The following NBEA variants were observed in gnomAD, a reference collection of about 807,000 sequenced individuals.
NBEA encodes the protein lysosomal-trafficking regulator 2.
In NBEA, 44 loss-of-function variants were observed where a neutral mutation model predicts 343.4. That is an observed-to-expected ratio of 0.13 (90% CI 0.10 to 0.16). The LOEUF (loss-of-function observed/expected upper bound fraction) is 0.16. Ranked by LOEUF, NBEA falls within the 10% of genes least tolerant of loss-of-function variation. The probability of loss-of-function intolerance (pLI) is 1.00; values close to 1 mark genes in which losing one functional copy is unlikely to be tolerated. For missense variants in NBEA, 2,555 were observed against 3,631.3 expected, an observed-to-expected ratio of 0.70 and a Z score of 7.62; for synonymous variants, 1,175 against 1,238.7, an observed-to-expected ratio of 0.95 and a Z score of 1.08.
At chr13:35,490,725 G>C (rs1226072245) in intron 41 of NBEA, among the ~76,000 whole-genome samples, 1 of 140,134 alleles carries the variant, frequency 7.1e-6, no homozygotes, top group East Asian at 2.1e-4. Flanking sequence ...ATTCTGCTAG[G>C]TGCTTTATCT....
intron 40 of NBEA, among the ~76,000 whole-genome samples, chr13:35,471,784 A>G (rs186184523): frequency 6.6e-6 from 1 of 152,292 alleles, no homozygotes; most frequent in Admixed American, 6.5e-5. Context: ...TAAGAAAATG[A>G]CTAAGATTTT....
At chr13:35,202,612 C>T (rs1164057512) in intron 31 of NBEA, among the ~76,000 whole-genome samples, 1 of 152,120 alleles carries the variant, frequency 6.6e-6, no homozygotes, top group Non-Finnish European at 1.5e-5. Context: ...ATACCCTATC[C>T]TTATACCACT....
chr13:35,052,661 C>CT lies in NBEA; in HGVS notation c.972+2276dup, dbSNP rs576608669. Among the ~76,000 whole-genome samples, 1,027 of 146,092 alleles carry CT rather than the reference C, an allele frequency of 7.0e-3. 16 individuals carry two copies. The highest frequency in any genetic ancestry group is 0.023 in the African/African-American group (939 of 40,068). On this transcript the variant is annotated intron_variant, in intron 6 of 58. Transcript: ENST00000379939. ...AAAGTATATCAGATCAAAAGTTAGG[C>CT]TTTTTTTTTTAACCATTGAAAAACT...
At chr13:35,572,619 C>G (rs1187471699) in intron 45 of NBEA, among the ~76,000 whole-genome samples, 1 of 152,120 alleles carries the variant, frequency 6.6e-6, no homozygotes, top group Non-Finnish European at 1.5e-5. Context: ...AACCATCCAC[C>G]CTCAATACTT....
intron 6 of NBEA, among the ~76,000 whole-genome samples, chr13:35,051,383 G>T (rs565627067): frequency 6.8e-6 from 1 of 146,160 alleles, no homozygotes; most frequent in African/African-American, 2.6e-5. Flanking sequence ...TATCTTTTTT[G>T]TTTGTTGTTG....
intron 9 of NBEA, 34 bp downstream of exon 9, chr13:35,070,139 G>A (rs760027861): frequency 6.9e-7 from 1 of 1,443,206 alleles, no homozygotes; most frequent in Non-Finnish European, 9.2e-7. Context: ...TCATGTTCTT[G>A]TCAGAATTTG....
intron 1 of NBEA, among the ~76,000 whole-genome samples, chr13:34,986,867 T>G (rs1462795408): frequency 6.6e-6 from 1 of 150,952 alleles, no homozygotes; most frequent in African/African-American, 2.4e-5. Flanking sequence ...ATTTGCTTGG[T>G]AGCTCTTCCT....
Position 35,637,479 on chromosome 13 carries a change from C to T in NBEA, c.7618-8390C>T, listed in dbSNP as rs116337577. Among the ~76,000 whole-genome samples, 716 of 152,236 alleles carry T rather than the reference C, an allele frequency of 4.7e-3. 2 individuals carry two copies. Among genetic ancestry groups the T allele is most frequent in the African/African-American group, 0.016 (683 of 41,534 alleles). On this transcript the variant is annotated intron_variant, in intron 49 of 58. Coordinates refer to ENST00000379939, the MANE Select transcript of NBEA (RefSeq NM_001385012.1). ...TATCCAAAAGAATTGAGAGAAAGGG[C>T]TTCAAAGAGACATTTGTATACCTAT...
intron 38 of NBEA, among the ~76,000 whole-genome samples, chr13:35,385,500 A>C (rs976732342): frequency 6.6e-6 from 1 of 152,078 alleles, no homozygotes; most frequent in Non-Finnish European, 1.5e-5. Flanking sequence ...GAAGTTCTAA[A>C]CCAGCCTGGG....
At chr13:35,228,976 C>T (rs1036138908) in intron 33 of NBEA, among the ~76,000 whole-genome samples, 3 of 152,098 alleles carry the variant, frequency 2.0e-5, no homozygotes, top group Admixed American at 6.6e-5. Flanking sequence ...TAGGGAAATA[C>T]ACCTTTGTAT....
At chr13:35,452,614 C>A (rs2046365042) in intron 40 of NBEA, among the ~76,000 whole-genome samples, 1 of 152,096 alleles carries the variant, frequency 6.6e-6, no homozygotes, top group African/African-American at 2.4e-5. Flanking sequence ...TTCCCAGGTG[C>A]CAATTGAATT....
chr13:35,015,601 ATAT>A (rs1297724283), intron 1 of NBEA, among the ~76,000 whole-genome samples: 4 of 152,158 alleles, frequency 2.6e-5, no homozygotes, highest in African/African-American at 9.7e-5. Flanking sequence ...CAATAATGAA[ATAT>A]TATTTAATTC....
chr13:35,354,700 T>C (rs1192886708), intron 38 of NBEA, among the ~76,000 whole-genome samples: 1 of 152,198 alleles, frequency 6.6e-6, no homozygotes, highest in African/African-American at 2.4e-5. Flanking sequence ...TTCTCCTTAG[T>C]ATTTGATTAA....
At chr13:35,384,388 G>A (rs1277630683) in intron 38 of NBEA, among the ~76,000 whole-genome samples, 4 of 152,032 alleles carry the variant, frequency 2.6e-5, no homozygotes, top group Non-Finnish European at 1.5e-5. Context: ...CCAAAAGTAC[G>A]TTATATGTAA....
chr13:35,650,136 T>C (rs771170171), intron 52 of NBEA, among the ~76,000 whole-genome samples: 2 of 152,224 alleles, frequency 1.3e-5, no homozygotes, highest in Non-Finnish European at 2.9e-5. Flanking sequence ...TATTCTGCTA[T>C]TGCCTAACTG....
intron 49 of NBEA, among the ~76,000 whole-genome samples, chr13:35,639,994 T>C (rs2083866770): frequency 6.7e-6 from 1 of 149,710 alleles, no homozygotes; most frequent in African/African-American, 2.5e-5. Context: ...AATCATTCTA[T>C]GGAGAAAAAT....
chr13:35,151,643 T>C (rs767214947), intron 18 of NBEA, among the ~76,000 whole-genome samples: 2 of 152,072 alleles, frequency 1.3e-5, no homozygotes, highest in Non-Finnish European at 2.9e-5. Context: ...CTATCTTGAT[T>C]ATTTTGAAAA....
intron 41 of NBEA, among the ~76,000 whole-genome samples, chr13:35,534,242 C>T (rs1327889630): frequency 6.6e-6 from 1 of 152,156 alleles, no homozygotes; most frequent in Non-Finnish European, 1.5e-5. Flanking sequence ...CTTGAGACTC[C>T]TTTCATACCT....
In NBEA at chr13:35,331,914, A is replaced by G. The variant is rs1480014255; in HGVS notation, c.5904-17194A>G. On this transcript the variant is annotated intron_variant, in intron 36 of 58. Transcript: ENST00000379939. ...AAGTAGGAAATGTTCTGTAATAGCT[A>G]TTCTTAAATTATCTGATGTTTTATT... 2.6e-5 allele frequency among the ~76,000 whole-genome samples: 4 copies of G among 152,174 alleles called. No homozygotes were observed. The East Asian group carries it at 5.8e-4, about 22-fold the overall frequency.
Sources: allele counts gnomAD v4.1 joint callset (sites outside exome capture counted in the v4.1 genomes callset), GRCh38; gene constraint gnomAD v4.1.1; transcripts MANE v1.5; gene names NCBI Gene and HGNC (gene_info 2026-07-23, HGNC 2026-07-21).